Variants in PTPRD observed in about 807,000 individuals in gnomAD.
PTPRD encodes the protein receptor-type tyrosine-protein phosphatase delta.
Under a neutral mutation model 214.5 loss-of-function variants are expected in PTPRD, and 34 were observed. The ratio of observed to expected loss-of-function variants is 0.16; its 90% CI spans 0.12 to 0.21. The LOEUF (loss-of-function observed/expected upper bound fraction) is 0.21. Ranked by LOEUF, PTPRD falls within the 10% of genes least tolerant of loss-of-function variation. PTPRD has a pLI of 1.00. For missense variants in PTPRD, 2,545 were observed against 2,398.7 expected, an observed-to-expected ratio of 1.06 and a Z score of -1.27; for synonymous variants, 1,128 against 845.7, an observed-to-expected ratio of 1.33 and a Z score of -5.79.
intron 14 of PTPRD, among the ~76,000 whole-genome samples, chr9:8,611,577 C>T (rs2095446490): frequency 6.6e-6 from 1 of 151,906 alleles, no homozygotes; most frequent in Admixed American, 6.6e-5. Context: ...TGGTGGTGTG[C>T]ACCTGTATTC....
At chr9:10,564,584 C>T (rs2065067563) in intron 2 of PTPRD, among the ~76,000 whole-genome samples, 1 of 152,040 alleles carries the variant, frequency 6.6e-6, no homozygotes, top group South Asian at 2.1e-4. Flanking sequence ...GCATTTCTAG[C>T]CTCAATGGAG....
chr9:8,526,904 T>G (rs1229682101), intron 16 of PTPRD, among the ~76,000 whole-genome samples: 1 of 152,054 alleles, frequency 6.6e-6, no homozygotes, highest in African/African-American at 2.4e-5. Flanking sequence ...CAACTGAGTT[T>G]TCAGGTCTGG....
intron 2 of PTPRD, among the ~76,000 whole-genome samples, chr9:10,595,370 A>G (rs150129428): frequency 6.6e-6 from 1 of 152,036 alleles, no homozygotes; most frequent in East Asian, 1.9e-4. Context: ...TTTTCCCTCA[A>G]ATAGCCAATA....
At chr9:9,097,346 G>A (rs546286875) in intron 10 of PTPRD, among the ~76,000 whole-genome samples, 1 of 151,912 alleles carries the variant, frequency 6.6e-6, no homozygotes, top group Admixed American at 6.6e-5. Flanking sequence ...CATGAATTAA[G>A]CTAAGGACTG....
In PTPRD at chr9:10,422,167, C is replaced by T. The variant is rs192814723; in HGVS notation, c.-599-81150G>A. Among the ~76,000 whole-genome samples, 8 of 152,040 alleles carry T rather than the reference C, an allele frequency of 5.3e-5. No homozygotes were observed. In the East Asian group the frequency reaches 1.6e-3, roughly 30 times the overall value. On this transcript the variant is annotated intron_variant, in intron 2 of 45. Transcript: ENST00000381196. ...CAGAAATGACACCACACATCTACAACCATCTGATCGTTGACAAACCTGACA... is the reference window on the plus strand; with the variant it reads ...CAGAAATGACACCACACATCTACAATCATCTGATCGTTGACAAACCTGACA...
chr9:10,571,714 G>A (rs1335148190), intron 2 of PTPRD, among the ~76,000 whole-genome samples: 1 of 152,154 alleles, frequency 6.6e-6, no homozygotes, highest in African/African-American at 2.4e-5. Flanking sequence ...GTTTTTCCGG[G>A]ACTGGGGCAG....
chr9:9,372,709 G>C (rs571585603), intron 9 of PTPRD, among the ~76,000 whole-genome samples: 69 of 152,268 alleles, frequency 4.5e-4, no homozygotes, highest in African/African-American at 1.6e-3. Context: ...TCCTAGCCTT[G>C]ATGGTCTTTA....
intron 3 of PTPRD, among the ~76,000 whole-genome samples, chr9:10,166,134 T>A (rs1592926854): frequency 6.6e-6 from 1 of 150,640 alleles, no homozygotes; most frequent in East Asian, 1.9e-4. Flanking sequence ...TACATAAACC[T>A]ATGTTTTAAA....
intron 3 of PTPRD, among the ~76,000 whole-genome samples, chr9:10,054,632 T>A (rs558566129): frequency 2.6e-4 from 39 of 152,268 alleles, no homozygotes; most frequent in African/African-American, 9.4e-4. Context: ...ATAGGGCCCC[T>A]GTTTTTCTGT....
chr9:9,220,504 T>C (rs999311615), intron 9 of PTPRD, among the ~76,000 whole-genome samples: 3 of 152,082 alleles, frequency 2.0e-5, no homozygotes, highest in African/African-American at 4.8e-5. Context: ...ATATATTCTT[T>C]GTAAAACTGT....
intron 11 of PTPRD, among the ~76,000 whole-genome samples, chr9:8,819,521 C>A (rs949944603): frequency 4.0e-5 from 6 of 151,810 alleles, no homozygotes; most frequent in Non-Finnish European, 7.4e-5. Context: ...ATTAACCAGG[C>A]GAGGTGGCAC....
At chr9:8,868,321 C>G (rs1488804669) in intron 11 of PTPRD, among the ~76,000 whole-genome samples, 1 of 152,190 alleles carries the variant, frequency 6.6e-6, no homozygotes, top group Non-Finnish European at 1.5e-5. Context: ...GCCTCAGCCT[C>G]CCGAGTAGCT....
At chr9:9,066,632 C>G (rs763588545) in intron 10 of PTPRD, among the ~76,000 whole-genome samples, 1 of 151,932 alleles carries the variant, frequency 6.6e-6, no homozygotes, top group Non-Finnish European at 1.5e-5. Flanking sequence ...CTTGAGTGGA[C>G]CCTAAATGTG....
At chr9:9,248,403 G>A (rs2099973997) in intron 9 of PTPRD, among the ~76,000 whole-genome samples, 1 of 151,840 alleles carries the variant, frequency 6.6e-6, no homozygotes, top group Non-Finnish European at 1.5e-5. Flanking sequence ...CTCCCTAAGT[G>A]ATTTTTAACA....
chr9:9,427,256 C>CGTGACAAAT (rs2142992340), intron 8 of PTPRD, among the ~76,000 whole-genome samples: 1 of 152,216 alleles, frequency 6.6e-6, no homozygotes, highest in South Asian at 2.1e-4. Context: ...ATGAGAACTA[C>CGTGACAAAT]GTGACAAATG....
chr9:9,413,532 T>C (rs1332657104), intron 8 of PTPRD, among the ~76,000 whole-genome samples: 1 of 152,202 alleles, frequency 6.6e-6, no homozygotes, highest in East Asian at 1.9e-4. Context: ...CAGAATTTTA[T>C]TATTAAAGGC....
chr9:9,999,007 G>C (rs141685209), intron 4 of PTPRD, among the ~76,000 whole-genome samples: 8 of 152,144 alleles, frequency 5.3e-5, no homozygotes, highest in Admixed American at 3.3e-4. Context: ...AAACAGATGA[G>C]GTAGCCAAAG....
chr9:8,613,179 T>C (rs990929770), intron 14 of PTPRD, among the ~76,000 whole-genome samples: 1 of 152,210 alleles, frequency 6.6e-6, no homozygotes, highest in Admixed American at 6.5e-5. Flanking sequence ...ATTCAAAGAA[T>C]GTTACTTTTG....
chr9:10,417,571 T>C (rs568145653), intron 2 of PTPRD, among the ~76,000 whole-genome samples: 3 of 151,858 alleles, frequency 2.0e-5, no homozygotes, highest in Non-Finnish European at 4.4e-5. Flanking sequence ...ATAAGCATGG[T>C]AATATTTATT....
Sources: allele counts gnomAD v4.1 joint callset (sites outside exome capture counted in the v4.1 genomes callset), GRCh38; gene constraint gnomAD v4.1.1; transcripts MANE v1.5; gene names NCBI Gene and HGNC (gene_info 2026-07-23, HGNC 2026-07-21).